SPAG16: variants seen among roughly 807,000 people sequenced by gnomAD.
SPAG16 encodes sperm-associated antigen 16 protein.
SPAG16 carries 86 observed loss-of-function variants against 80.4 expected under a neutral mutation model. That is an observed-to-expected ratio of 1.07 (90% CI 0.90 to 1.28). The LOEUF (loss-of-function observed/expected upper bound fraction) is 1.28, where lower values mean the gene tolerates loss of function less well. Ranked by LOEUF, SPAG16 falls within the 50% of genes most tolerant of loss-of-function variation. The pLI is 0.00. For synonymous variants in SPAG16, 294 were observed against 265.9 expected (o/e 1.11, Z -1.03); for missense variants, 870 against 765.3 (o/e 1.14, Z -1.61).
At chr2:213,752,444 G>A (rs1002319478) in intron 10 of SPAG16, among the ~76,000 whole-genome samples, 2 of 151,932 alleles carry the variant, frequency 1.3e-5, no homozygotes, top group Non-Finnish European at 2.9e-5. Context: ...TGTTTCTTCT[G>A]TAGTTATAAT....
chr2:213,650,587 G>C (rs1034762121), intron 10 of SPAG16, among the ~76,000 whole-genome samples: 12 of 152,190 alleles, frequency 7.9e-5, no homozygotes, highest in African/African-American at 2.9e-4. Flanking sequence ...GTATTTGTGT[G>C]TGTGTTCATA....
intron 10 of SPAG16, among the ~76,000 whole-genome samples, chr2:213,848,776 T>C (rs1156425002): frequency 1.3e-5 from 2 of 152,170 alleles, no homozygotes; most frequent in African/African-American, 4.8e-5. Context: ...AGCTTCCCCT[T>C]GCCAGCATCT....
At chr2:213,675,937 C>G (rs2064044863) in intron 10 of SPAG16, among the ~76,000 whole-genome samples, 1 of 151,952 alleles carries the variant, frequency 6.6e-6, no homozygotes, top group African/African-American at 2.4e-5. Context: ...TCATTGGTAG[C>G]TTGATGGGGA....
At chr2:213,465,992 C>G (rs903709481) in intron 9 of SPAG16, among the ~76,000 whole-genome samples, 19 of 152,296 alleles carry the variant, frequency 1.2e-4, no homozygotes, top group African/African-American at 4.3e-4. Context: ...TGGGCACAAT[C>G]TAATAAGCTG....
At chr2:214,021,324 A>G (rs1272623011) in intron 13 of SPAG16, among the ~76,000 whole-genome samples, 2 of 152,174 alleles carry the variant, frequency 1.3e-5, no homozygotes, top group African/African-American at 2.4e-5. Context: ...AGACTGGGCA[A>G]TGTATGAAAG....
At chr2:214,251,377 G>A (rs1047403151) in intron 15 of SPAG16, among the ~76,000 whole-genome samples, 2 of 151,982 alleles carry the variant, frequency 1.3e-5, no homozygotes, top group African/African-American at 4.8e-5. Flanking sequence ...TAGAAGAACT[G>A]AGGGTTTGCT....
At chr2:214,173,629 C>T (rs143399164) in intron 15 of SPAG16, among the ~76,000 whole-genome samples, 6,273 of 152,000 alleles carry the variant, frequency 0.041, 180 homozygotes, top group Middle Eastern at 0.078. Context: ...GATTCACAGA[C>T]GAATTCTACC....
rs550089090 is a variant in SPAG16 at position 213,371,380 on chromosome 2, C to CAG, written c.833-3629_833-3628dup. Among the ~76,000 whole-genome samples, 456 of 112,002 alleles carry CAG rather than the reference C, an allele frequency of 4.1e-3. 3 individuals are homozygous for CAG. Among genetic ancestry groups the CAG allele is most frequent in the African/African-American group, 0.014 (426 of 29,498 alleles). 73.5% of individuals were successfully genotyped at this position (112,002 alleles called of 152,430 possible). On this transcript the variant is annotated intron_variant, in intron 8 of 15. Coordinates refer to ENST00000331683, the MANE Select transcript of SPAG16 (RefSeq NM_024532.5). Reference sequence around the variant, plus strand: ...ACCACTGCATTCCAGCCTGGCAACACAGCAAGACCGTGTCTCAAAAAAAAA... The same window carrying CAG: ...ACCACTGCATTCCAGCCTGGCAACACAGAGCAAGACCGTGTCTCAAAAAAAAA...
chr2:214,169,617 T>A (rs1467889770), intron 15 of SPAG16, among the ~76,000 whole-genome samples: 2 of 152,030 alleles, frequency 1.3e-5, no homozygotes, highest in Non-Finnish European at 2.9e-5. Context: ...AATAGAAACT[T>A]CTTTTGTCTA....
intron 14 of SPAG16, among the ~76,000 whole-genome samples, chr2:214,134,313 C>T (rs548800371): frequency 6.6e-6 from 1 of 152,292 alleles, no homozygotes; most frequent in East Asian, 1.9e-4. Context: ...CACAGCACAA[C>T]TTGGCCCCAC....
At chr2:214,237,829 AAAAG>A (rs1288176472) in intron 15 of SPAG16, among the ~76,000 whole-genome samples, 1 of 152,040 alleles carries the variant, frequency 6.6e-6, no homozygotes, top group Non-Finnish European at 1.5e-5. Context: ...AGAACTTGGA[AAAAG>A]AAAGAAGTTT....
intron 13 of SPAG16, among the ~76,000 whole-genome samples, chr2:214,080,786 T>C (rs2051346739): frequency 6.6e-6 from 1 of 152,092 alleles, no homozygotes; most frequent in South Asian, 2.1e-4. Context: ...AAAACAAACA[T>C]AACCTTTACT....
chr2:214,408,449 ACT>A (rs768463089), intron 15 of SPAG16, among the ~76,000 whole-genome samples: 57 of 152,088 alleles, frequency 3.7e-4, no homozygotes, highest in Non-Finnish European at 6.8e-4. Context: ...TGCTTTGGAC[ACT>A]CTAATCCATC....
intron 4 of SPAG16, among the ~76,000 whole-genome samples, chr2:213,313,085 A>G (rs563625181): frequency 5.9e-5 from 9 of 151,982 alleles, no homozygotes; most frequent in Admixed American, 1.3e-4. Flanking sequence ...TCCCATAAGA[A>G]TATTTTTTCC....
chr2:213,554,217 A>G (rs1403725577), intron 10 of SPAG16, among the ~76,000 whole-genome samples: 1 of 152,182 alleles, frequency 6.6e-6, no homozygotes, highest in Non-Finnish European at 1.5e-5. Context: ...GCCACTGTGG[A>G]CATATACAGT....
chr2:214,318,153 G>A (rs2216544), intron 15 of SPAG16, among the ~76,000 whole-genome samples: 67,421 of 151,938 alleles, frequency 0.44, 17,500 homozygotes, highest in African/African-American at 0.73. Context: ...ATCTGGAAGC[G>A]TCTGTTGCAT....
chr2:213,737,482 CT>C (rs1236202797), intron 10 of SPAG16, among the ~76,000 whole-genome samples: 9 of 118,372 alleles, frequency 7.6e-5, no homozygotes, highest in African/African-American at 2.3e-4. Flanking sequence ...CTTACTTTTT[CT>C]TTTTCTTTTC....
intron 9 of SPAG16, among the ~76,000 whole-genome samples, chr2:213,472,118 T>G (rs1312476928): frequency 6.6e-6 from 1 of 152,128 alleles, no homozygotes; most frequent in African/African-American, 2.4e-5. Context: ...TAAAAAGCGA[T>G]CAAGGTGTCT....
chr2:214,007,356 G>A (rs995432329), intron 12 of SPAG16, among the ~76,000 whole-genome samples: 24 of 151,406 alleles, frequency 1.6e-4, no homozygotes, highest in African/African-American at 4.9e-4. Flanking sequence ...AGCATTTTGG[G>A]AGGCCAAAGC....
Sources: gnomAD v4.1 joint callset for allele counts (sites outside exome capture counted in the v4.1 genomes callset) on GRCh38, gnomAD v4.1.1 for gene constraint, MANE v1.5 for transcripts, NCBI Gene and HGNC (gene_info 2026-07-23, HGNC 2026-07-21) for gene names.